The following RBFOX1 variants were observed in gnomAD, a reference collection of about 807,000 sequenced individuals.
The protein encoded by RBFOX1 is RNA binding fox-1 homolog 1.
Under a neutral mutation model 57.7 loss-of-function variants are expected in RBFOX1, and 8 were observed. That is an observed-to-expected ratio of 0.14 (90% CI 0.08 to 0.25). RBFOX1 has a LOEUF of 0.25. Among genes scored for constraint, RBFOX1 ranks in the 10% least tolerant of loss-of-function variants. RBFOX1 has a pLI of 1.00. For synonymous variants in RBFOX1, 326 were observed against 222.4 expected (o/e 1.47, Z -4.15); for missense variants, 611 against 548.5 (o/e 1.11, Z -1.14).
At chr16:7,578,123 A>G (rs2093475755) in intron 5 of RBFOX1, among the ~76,000 whole-genome samples, 1 of 152,228 alleles carries the variant, frequency 6.6e-6, no homozygotes, top group Non-Finnish European at 1.5e-5. Context: ...TGGTATTTAA[A>G]AAACTTGCCA....
chr16:7,710,533 G>T (rs951498907), intron 15 of RBFOX1, 90 bp from the exon 16 acceptor site: 2 of 1,582,774 alleles, frequency 1.3e-6, no homozygotes, highest in Non-Finnish European at 8.5e-7. Flanking sequence ...TTGGTTTTGA[G>T]TGTCTATTTT....
At chr16:5,924,675 T>C (rs998709378) in intron 4 of RBFOX1, among the ~76,000 whole-genome samples, 2 of 152,168 alleles carry the variant, frequency 1.3e-5, no homozygotes, top group Non-Finnish European at 2.9e-5. Context: ...ATAAACTTCT[T>C]TTCATTCTAA....
rs117361841 is a variant in RBFOX1, at chr16:6,081,853, A to G, written c.-127+61861A>G. Reference sequence around the variant, plus strand: ...CTACGCTTGGTTTCTTGAGAGTCCTAGTCCTTGTAATTGAGCCCTGGAGTT... The same window carrying G: ...CTACGCTTGGTTTCTTGAGAGTCCTGGTCCTTGTAATTGAGCCCTGGAGTT... On this transcript the variant is annotated intron_variant, in intron 1 of 15. Transcript: ENST00000550418. Among the ~76,000 whole-genome samples the G allele has an allele frequency of 6.7e-3, 1,018 of 152,270 alleles. 32 individuals are homozygous for G. The highest frequency in any genetic ancestry group is 0.042 in the Admixed American group (643 of 15,302).
chr16:5,282,224 C>G (rs1000521774), intron 1 of RBFOX1, among the ~76,000 whole-genome samples: 5 of 152,218 alleles, frequency 3.3e-5, no homozygotes, highest in Non-Finnish European at 5.9e-5. Flanking sequence ...TTGACTTCCG[C>G]AATGATTTTG....
intron 4 of RBFOX1, among the ~76,000 whole-genome samples, chr16:5,949,091 T>C (rs2152274175): frequency 6.6e-6 from 1 of 152,192 alleles, no homozygotes; most frequent in Non-Finnish European, 1.5e-5. Context: ...GAATGACATG[T>C]CCTCCCCAAC....
intron 4 of RBFOX1, among the ~76,000 whole-genome samples, chr16:7,496,070 C>T (rs775229397): frequency 6.6e-6 from 1 of 152,170 alleles, no homozygotes; most frequent in Non-Finnish European, 1.5e-5. Context: ...GCTGGGTCCA[C>T]ATTCTGTCTC....
At chr16:7,117,506 C>T (rs1053975186) in intron 4 of RBFOX1, among the ~76,000 whole-genome samples, 2 of 152,004 alleles carry the variant, frequency 1.3e-5, no homozygotes, top group African/African-American at 4.8e-5. Flanking sequence ...TATCTATTAA[C>T]TTACCACCAA....
At chr16:5,893,106 T>C (rs147469837) in intron 4 of RBFOX1, among the ~76,000 whole-genome samples, 1,578 of 152,328 alleles carry the variant, frequency 0.01, 53 homozygotes, top group Admixed American at 0.059. Flanking sequence ...GTATGCAAGT[T>C]TGGCATTTTA....
At chr16:6,147,500 C>A (rs1014660617) in intron 1 of RBFOX1, among the ~76,000 whole-genome samples, 4 of 152,084 alleles carry the variant, frequency 2.6e-5, no homozygotes, top group Non-Finnish European at 4.4e-5. Flanking sequence ...GCTGTGTGTC[C>A]ACCTCTACAC....
intron 3 of RBFOX1, among the ~76,000 whole-genome samples, chr16:5,723,602 C>G (rs974967274): frequency 3.3e-5 from 5 of 151,894 alleles, no homozygotes; most frequent in African/African-American, 1.2e-4. Context: ...CAGTGGTTGT[C>G]TCAGGCTTGG....
At position 7,182,071 on chromosome 16, in the gene RBFOX1, G is replaced by C. The variant is rs544877689; in HGVS notation, c.27+129973G>C. On this transcript the variant is annotated intron_variant, in intron 4 of 15. Transcript: ENST00000550418. ...AATAATCTTCACTGATAAACTGAAT[G>C]AGTCTTCAGAAGCTTGTTCATGACA... Among the ~76,000 whole-genome samples the C allele has an allele frequency of 5.9e-5, 9 of 152,262 alleles. No individual in the cohort carries two copies. The South Asian group carries it at 1.9e-3, about 32-fold the overall frequency.
At chr16:7,604,142 C>G (rs1198779223) in intron 9 of RBFOX1, among the ~76,000 whole-genome samples, 2 of 151,992 alleles carry the variant, frequency 1.3e-5, no homozygotes, top group Non-Finnish European at 2.9e-5. Flanking sequence ...TTTTGAGCAA[C>G]CAAGTAGATA....
chr16:7,601,285 G>A (rs1295019661), intron 9 of RBFOX1, among the ~76,000 whole-genome samples: 1 of 152,110 alleles, frequency 6.6e-6, no homozygotes, highest in Admixed American at 6.5e-5. Context: ...CAAATGATGG[G>A]AACTACATCA....
intron 1 of RBFOX1, among the ~76,000 whole-genome samples, chr16:5,325,161 C>T (rs960466443): frequency 2.6e-5 from 4 of 152,172 alleles, no homozygotes; most frequent in East Asian, 3.9e-4. Flanking sequence ...CCCTTTCTCT[C>T]CCTCCTGTGT....
intron 1 of RBFOX1, among the ~76,000 whole-genome samples, chr16:6,055,000 T>C (rs11646021): frequency 6.6e-6 from 1 of 152,210 alleles, no homozygotes; most frequent in African/African-American, 2.4e-5. Context: ...GCCAGGATTG[T>C]CTTGATTTAA....
At chr16:7,416,775 A>G (rs2098481968) in intron 4 of RBFOX1, among the ~76,000 whole-genome samples, 1 of 152,168 alleles carries the variant, frequency 6.6e-6, no homozygotes, top group Non-Finnish European at 1.5e-5. Flanking sequence ...GTGAATAATA[A>G]TGACAATGAC....
chr16:5,371,028 A>T (rs961951375), intron 1 of RBFOX1, among the ~76,000 whole-genome samples: 2 of 151,786 alleles, frequency 1.3e-5, no homozygotes, highest in African/African-American at 4.8e-5. Flanking sequence ...GCTCACTGCA[A>T]CCTCTGCCTC....
chr16:7,277,201 T>C (rs1470376233), intron 4 of RBFOX1, among the ~76,000 whole-genome samples: 1 of 152,232 alleles, frequency 6.6e-6, no homozygotes, highest in Non-Finnish European at 1.5e-5. Flanking sequence ...TTAATGATTT[T>C]TTTTCACGTT....
chr16:7,501,265 C>A (rs1466333838), intron 4 of RBFOX1, among the ~76,000 whole-genome samples: 1 of 152,234 alleles, frequency 6.6e-6, no homozygotes, highest in Non-Finnish European at 1.5e-5. Flanking sequence ...ACTAGAGTTA[C>A]TTCCATTGAG....
Sources: allele counts gnomAD v4.1 joint callset (sites outside exome capture counted in the v4.1 genomes callset), GRCh38; gene constraint gnomAD v4.1.1; transcripts MANE v1.5; gene names NCBI Gene and HGNC (gene_info 2026-07-23, HGNC 2026-07-21).